The following NOP14 variants were observed in gnomAD, a reference collection of about 807,000 sequenced individuals.
NOP14 encodes nucleolar protein 14.
In NOP14, 57 loss-of-function variants were observed where a neutral mutation model predicts 101.6. The ratio of observed to expected loss-of-function variants is 0.56; its 90% CI spans 0.45 to 0.70. The LOEUF is 0.70. NOP14 is among the 30% of genes least tolerant of loss of function. The probability of loss-of-function intolerance (pLI) is 0.00; values close to 1 mark genes in which losing one functional copy is unlikely to be tolerated. For synonymous variants in NOP14, 428 were observed against 424.0 expected, an observed-to-expected ratio of 1.01 and a Z score of -0.12; for missense variants, 1,134 against 1,075.5, an observed-to-expected ratio of 1.05 and a Z score of -0.76.
At chr4:2,943,501 G>A (rs985328149) in intron 13 of NOP14, among the ~76,000 whole-genome samples, 4 of 152,206 alleles carry the variant, frequency 2.6e-5, no homozygotes, top group African/African-American at 9.6e-5. Flanking sequence ...AGGGGGAGGA[G>A]CACAGGGGCT....
rs779198016 is a variant in NOP14 at position 2,954,455 on chromosome 4, TC to T, written c.580del (p.Glu194LysfsTer28). ...EKPKSRKELI[E>X]ELIAKSKQEK... ...TTGTTTTGACTTGGCAATGAGCTCT[TC>T]AATCAGCTCTTTCCGGGACTTCGGT... is the stretch of plus-strand genomic sequence containing the variant. On this transcript the variant is annotated frameshift_variant, in exon 4 of 18. Transcript: ENST00000416614. LOFTEE classifies it high-confidence loss of function. 6.2e-7 allele frequency: 1 copy of T among 1,614,156 alleles called. No homozygotes were observed. Among genetic ancestry groups the T allele is most frequent in the Non-Finnish European group, 8.5e-7 (1 of 1,180,012 alleles).
At chr4:2,946,803 C>T (rs1199709267) in intron 10 of NOP14, 1 of 493,196 alleles carries the variant, frequency 2.0e-6, no homozygotes, top group Non-Finnish European at 3.7e-6. Context: ...GGGGGCACCA[C>T]TCTGTGTGGC....
chr4:2,941,744 G>C lies in NOP14; in HGVS notation c.2052-15C>G. ...GGCAGGACAGTCTGTGAGGGCAGGA[G>C]GCAAGAGGAGGTCCAACTTGTTCTG... On this transcript the variant is annotated splice_polypyrimidine_tract_variant and intron_variant, in intron 14 of 17. Transcript: ENST00000416614. The C allele has an allele frequency of 6.2e-7, 1 of 1,609,248 alleles. No homozygotes were observed. The highest frequency in any genetic ancestry group is 8.5e-7 in the Non-Finnish European group (1 of 1,178,440).
intron 1 of NOP14, among the ~76,000 whole-genome samples, chr4:2,960,407 G>C (rs549997938): frequency 1.3e-5 from 2 of 152,186 alleles, no homozygotes; most frequent in Non-Finnish European, 2.9e-5. Context: ...TCTGGAATAT[G>C]ATTCTATGGG....
At chr4:2,959,507 G>T (rs1715577551) in intron 1 of NOP14, among the ~76,000 whole-genome samples, 1 of 152,106 alleles carries the variant, frequency 6.6e-6, no homozygotes, top group African/African-American at 2.4e-5. Flanking sequence ...GCAGGAGAAT[G>T]GCGTGAACCC....
At chr4:2,960,683 AATATT>A (rs1357695044) in intron 1 of NOP14, among the ~76,000 whole-genome samples, 71 of 137,712 alleles carry the variant, frequency 5.2e-4, no homozygotes, top group African/African-American at 1.9e-3. Flanking sequence ...ATATTATATT[AATATT>A]ATAATCACAT....
At chr4:2,960,119 G>A (rs767299164) in intron 1 of NOP14, among the ~76,000 whole-genome samples, 3 of 152,114 alleles carry the variant, frequency 2.0e-5, no homozygotes, top group Non-Finnish European at 2.9e-5. Context: ...ACAGGCGCAC[G>A]CTGCCACGCC....
chr4:2,950,513 G>C (rs1714953977), intron 7 of NOP14: 5 of 435,616 alleles, frequency 1.1e-5, no homozygotes, highest in South Asian at 8.4e-5. Flanking sequence ...AGTGGCTGCG[G>C]GCTTTAGCAG....
At chr4:2,944,969 G>A (rs1190346564) in intron 12 of NOP14, among the ~76,000 whole-genome samples, 159 bp downstream of exon 12, 1 of 152,218 alleles carries the variant, frequency 6.6e-6, no homozygotes, top group Non-Finnish European at 1.5e-5. Context: ...TGCTCGAGCC[G>A]GGGCTCTTTT....
rs1454115661 is a variant in NOP14 at position 2,941,608 on chromosome 4, C to T, written c.2173G>A (p.Asp725Asn). ...TGGAGCTCCTGCGGGTGGCTGCAGT[C>T]CGCCAGGTGATCCGTGAGGAGGGCT... ...LQALLTDHLA[D>N]CSHPQELQEL... Residue 725 changes from aspartate to asparagine, a missense_variant, in exon 15 of 18, where the codon GAC becomes AAC. Coordinates refer to ENST00000416614, the MANE Select transcript of NOP14 (RefSeq NM_001291978.2). 7 of 1,612,800 alleles carry T rather than the reference C, an allele frequency of 4.3e-6. No homozygotes were observed. Among genetic ancestry groups the T allele is most frequent in the African/African-American group, 2.7e-5 (2 of 74,914 alleles).
intron 1 of NOP14, among the ~76,000 whole-genome samples, chr4:2,957,987 GA>G (rs1355798295): frequency 6.6e-6 from 1 of 152,160 alleles, no homozygotes; most frequent in Admixed American, 6.6e-5. Flanking sequence ...GTGCCAAAAG[GA>G]AGGGTAAAAA....
At chr4:2,948,827 C>T (rs1714828414) in intron 8 of NOP14, among the ~76,000 whole-genome samples, 2 of 152,242 alleles carry the variant, frequency 1.3e-5, no homozygotes, top group African/African-American at 2.4e-5. Flanking sequence ...AACTATTCTA[C>T]TTCACGATCA....
intron 1 of NOP14, among the ~76,000 whole-genome samples, chr4:2,958,710 G>T (rs1715510377): frequency 6.6e-6 from 1 of 152,224 alleles, no homozygotes; most frequent in Admixed American, 6.5e-5. Flanking sequence ...ATGCGTGCGT[G>T]TGGCAGGAGG....
At chr4:2,948,431 T>C (rs780551406) in intron 8 of NOP14, 23 bp from the exon 9 acceptor site, 1 of 1,581,770 alleles carries the variant, frequency 6.3e-7, no homozygotes, top group South Asian at 1.1e-5. Context: ...CAAAACATAC[T>C]GCACATTTAA....
At chr4:2,940,105 C>T (rs1369792037) in intron 15 of NOP14, among the ~76,000 whole-genome samples, 3 of 152,260 alleles carry the variant, frequency 2.0e-5, no homozygotes, top group African/African-American at 7.2e-5. Flanking sequence ...AGTGTGCAAA[C>T]TGACGCTGGG....
Position 2,938,887 on chromosome 4 carries a change from G to C in NOP14, c.2518C>G (p.Leu840Val). The C allele has an allele frequency of 6.2e-7, 1 of 1,614,114 alleles. No individual in the cohort carries two copies. The highest frequency in any genetic ancestry group is 8.5e-7 in the Non-Finnish European group (1 of 1,179,992). Residue 840 changes from leucine (L) to valine (V), a missense_variant, in exon 18 of 18, where the codon CTG becomes GTG. Physicochemically the swap from Leu to Val is conservative, Grantham distance 32 (BLOSUM62 1). Transcript: ENST00000416614. ...KRKVKQLFNS[L>V]ATQEGEWKAL... ...TTCCATTCGCCTTCCTGTGTAGCCA[G>C]GCTGTTAAAAAGCTGCTTTACTTTC...
At position 2,942,465 on chromosome 4, in the gene NOP14, T is replaced by C; in HGVS notation, c.1892-114A>G. The C allele has an allele frequency of 2.7e-6, 3 of 1,103,848 alleles. No individual in the cohort carries two copies. The South Asian group carries it at 4.6e-5, about 17-fold the overall frequency. 68.4% of individuals were successfully genotyped at this position (1,103,848 alleles called of 1,614,324 possible). A position where few individuals can be genotyped will look rare whatever the true frequency, so the allele number is the denominator to read the frequency against. On this transcript the variant is annotated intron_variant, in intron 13 of 17. Coordinates refer to ENST00000416614, the MANE Select transcript of NOP14 (RefSeq NM_001291978.2). ...CCTCTAACAGACGCACACCGATTTTTATGTTTCTGGGTTGTGCCAGACACT... is the reference window on the plus strand; with the variant it reads ...CCTCTAACAGACGCACACCGATTTTCATGTTTCTGGGTTGTGCCAGACACT...
At position 2,943,771 on chromosome 4, in the gene NOP14, A is replaced by G. The variant is rs563491865; in HGVS notation, c.1891+302T>C. Among the ~76,000 whole-genome samples the G allele has an allele frequency of 5.2e-5, 8 of 152,396 alleles. No homozygotes were observed. The South Asian group carries it at 1.2e-3, about 24-fold the overall frequency. ...TTAACACATAATACAAAAAATTAAG[A>G]TATTTTAAGTATTTCTGACACTAAG... On this transcript the variant is annotated intron_variant, in intron 13 of 17. Transcript: ENST00000416614.
At chr4:2,949,662 G>A (rs1021891863) in intron 8 of NOP14, among the ~76,000 whole-genome samples, 1 of 152,202 alleles carries the variant, frequency 6.6e-6, no homozygotes, top group African/African-American at 2.4e-5. Context: ...ACAAGAGGCT[G>A]ACCATATACT....
Sources: allele counts gnomAD v4.1 joint callset (sites outside exome capture counted in the v4.1 genomes callset), GRCh38; gene constraint gnomAD v4.1.1; transcripts MANE v1.5; gene names NCBI Gene and HGNC (gene_info 2026-07-23, HGNC 2026-07-21).